The following KIRREL3 variants were observed in gnomAD, a reference collection of about 807,000 sequenced individuals.
The protein encoded by KIRREL3 is kirre like nephrin family adhesion molecule 3.
KIRREL3 carries 36 observed loss-of-function variants against 89.7 expected under a neutral mutation model. The ratio of observed to expected loss-of-function variants is 0.40; its 90% confidence interval spans 0.31 to 0.53. The LOEUF (loss-of-function observed/expected upper bound fraction) is 0.53, where lower values mean the gene tolerates loss of function less well. KIRREL3 is among the 20% of genes least tolerant of loss of function. The probability of loss-of-function intolerance (pLI) is 0.49; values close to 1 mark genes in which losing one functional copy is unlikely to be tolerated. For synonymous variants in KIRREL3, 445 were observed against 441.4 expected (o/e 1.01, Z -0.10); for missense variants, 864 against 1,056.6 (o/e 0.82, Z 2.53).
chr11:126,782,914 CTG>C lies in KIRREL3; in HGVS notation c.55+217539_55+217540del, dbSNP rs1950372897. On this transcript the variant is annotated intron_variant, in intron 1 of 16. Coordinates refer to ENST00000525144, the MANE Select transcript of KIRREL3 (RefSeq NM_032531.4). This position sits in a 1 kb window ranked among gnomAD's most constrained non-coding sequence, Gnocchi z 4.1. ...CCAGAGTTTGGTTTCTGATACCACT[CTG>C]TAATAAAAGGAACCAGGGCTCCTTG... is the stretch of plus-strand genomic sequence containing the variant. Among the ~76,000 whole-genome samples, 1 of 152,130 alleles carries C rather than the reference CTG, an allele frequency of 6.6e-6. No individual in the cohort carries two copies. The highest frequency in any genetic ancestry group is 2.4e-5 in the African/African-American group (1 of 41,428).
chr11:126,620,045 G>T lies in KIRREL3; in HGVS notation c.56-57133C>A, dbSNP rs769547278. ...TAAGGTTTCCTCTCATTTGGCTGCC[G>T]TGTGATTATTAAACTCTCTCTCTGC... On this transcript the variant is annotated intron_variant, in intron 1 of 16. Coordinates refer to ENST00000525144, the MANE Select transcript of KIRREL3 (RefSeq NM_032531.4). This position sits in a 1 kb window ranked among gnomAD's most constrained non-coding sequence, Gnocchi z 4.8. Among the ~76,000 whole-genome samples, 5 of 152,044 alleles carry T rather than the reference G, an allele frequency of 3.3e-5. No individual in the cohort carries two copies. Among genetic ancestry groups the T allele is most frequent in the Non-Finnish European group, 4.4e-5 (3 of 68,024 alleles).
chr11:126,771,089 G>A lies in KIRREL3; in HGVS notation c.56-208177C>T, dbSNP rs2134298364. On this transcript the variant is annotated intron_variant, in intron 1 of 16. Transcript: ENST00000525144. The surrounding 1 kb of genome is among the most constrained non-coding windows in gnomAD (Gnocchi z 4.4). ...GACCTCAGGGTGATCCGCTTGCCTT[G>A]GCATCCCAAAGTCCTGGGATTACAG... 6.6e-6 allele frequency among the ~76,000 whole-genome samples: 1 copy of A among 152,248 alleles called. No homozygotes were observed. The highest frequency in any genetic ancestry group is 2.1e-4 in the South Asian group (1 of 4,818).
At chr11:126,861,876 G>A (rs1056600905) in intron 1 of KIRREL3, among the ~76,000 whole-genome samples, 2 of 152,236 alleles carry the variant, frequency 1.3e-5, no homozygotes, top group African/African-American at 4.8e-5. Context: ...CACATGGACT[G>A]TACCGTGTGA....
intron 7 of KIRREL3, 94 bp downstream of exon 7, chr11:126,456,255 C>T: frequency 2.5e-6 from 2 of 794,050 alleles, no homozygotes; most frequent in Non-Finnish European, 4.3e-6. Context: ...GCACACACTG[C>T]AGCCATGCTG....
At chr11:126,803,919 G>A (rs935923538) in intron 1 of KIRREL3, among the ~76,000 whole-genome samples, 5 of 152,166 alleles carry the variant, frequency 3.3e-5, no homozygotes, top group African/African-American at 9.6e-5. Flanking sequence ...AATTGGAAGC[G>A]GGCCCTTTGT....
intron 2 of KIRREL3, among the ~76,000 whole-genome samples, chr11:126,538,972 G>C (rs1224786921): frequency 1.3e-5 from 2 of 152,216 alleles, no homozygotes; most frequent in African/African-American, 2.4e-5. Flanking sequence ...GACAAGGTGG[G>C]AATGTTCCCT....
Position 126,491,046 on chromosome 11 carries a change from G to A in KIRREL3, c.434-17580C>T, listed in dbSNP as rs1004172942. On this transcript the variant is annotated intron_variant, in intron 4 of 16. Coordinates refer to ENST00000525144, the MANE Select transcript of KIRREL3 (RefSeq NM_032531.4). This position sits in a 1 kb window ranked among gnomAD's most constrained non-coding sequence, Gnocchi z 5.5. ...TCTGTCTGGATTTTGGGTCCATCCC[G>A]TAGTGGAAAGGGGTCCTATGTGAAC... Among the ~76,000 whole-genome samples, 1 of 152,202 alleles carries A rather than the reference G, an allele frequency of 6.6e-6. No homozygotes were observed. The highest frequency in any genetic ancestry group is 2.4e-5 in the African/African-American group (1 of 41,440).
At chr11:126,542,573 T>C (rs1938455587) in intron 2 of KIRREL3, among the ~76,000 whole-genome samples, 1 of 152,212 alleles carries the variant, frequency 6.6e-6, no homozygotes, top group Non-Finnish European at 1.5e-5. Context: ...CCTACTCAGC[T>C]GAGGGGAGAA....
intron 1 of KIRREL3, among the ~76,000 whole-genome samples, chr11:126,951,132 G>T (rs1352033466): frequency 1.3e-5 from 2 of 152,180 alleles, no homozygotes; most frequent in Non-Finnish European, 1.5e-5. Flanking sequence ...ATCTTTTGGG[G>T]GGCCATCATC....
At chr11:126,962,496 T>C (rs1949123370) in intron 1 of KIRREL3, among the ~76,000 whole-genome samples, 1 of 152,192 alleles carries the variant, frequency 6.6e-6, no homozygotes. Flanking sequence ...AAGATTTTAG[T>C]GGATGAGGAG....
rs1365765314 is a variant in KIRREL3 at position 126,677,411 on chromosome 11, G to T, written c.56-114499C>A. Among the ~76,000 whole-genome samples, 5 of 152,208 alleles carry T rather than the reference G, an allele frequency of 3.3e-5. No homozygotes were observed. The highest frequency in any genetic ancestry group is 7.3e-5 in the Non-Finnish European group (5 of 68,032). On this transcript the variant is annotated intron_variant, in intron 1 of 16. Coordinates refer to ENST00000525144, the MANE Select transcript of KIRREL3 (RefSeq NM_032531.4). The surrounding 1 kb of genome is among the most constrained non-coding windows in gnomAD (Gnocchi z 5.1). ...TAACCGAATCTCCATTCTGGAGAAAGGATGTTGGCATAGTCTGGGTGCTTT... is the reference window on the plus strand; with the variant it reads ...TAACCGAATCTCCATTCTGGAGAAATGATGTTGGCATAGTCTGGGTGCTTT...
Position 126,437,026 on chromosome 11 carries a change from A to C in KIRREL3, c.1354-17T>G. Reference sequence around the variant, plus strand: ...GGACCAGGCCTGCCCGGGGGCGCAGAATCAGGAGGAGACCCCACCAGAGGG... The same window carrying C: ...GGACCAGGCCTGCCCGGGGGCGCAGCATCAGGAGGAGACCCCACCAGAGGG... On this transcript the variant is annotated splice_polypyrimidine_tract_variant and intron_variant, in intron 11 of 16. Coordinates refer to ENST00000525144, the MANE Select transcript of KIRREL3 (RefSeq NM_032531.4). The C allele has an allele frequency of 6.6e-7, 1 of 1,504,110 alleles. No individual in the cohort carries two copies. Among genetic ancestry groups the C allele is most frequent in the South Asian group, 1.3e-5 (1 of 76,018 alleles). 93.2% of individuals were successfully genotyped at this position (1,504,110 alleles called of 1,614,324 possible).
In KIRREL3 at chr11:126,561,702, A is replaced by G. The variant is rs1445478060; in HGVS notation, c.133+1133T>C. On this transcript the variant is annotated intron_variant, in intron 2 of 16. Coordinates refer to ENST00000525144, the MANE Select transcript of KIRREL3 (RefSeq NM_032531.4). The surrounding 1 kb of genome is among the most constrained non-coding windows in gnomAD (Gnocchi z 4.5). ...GTAGCTTTTTGATGCTGTTGGCTTC[A>G]GGCAGGCAGCAAATGGGGGAGGTGA... Among the ~76,000 whole-genome samples the G allele has an allele frequency of 1.3e-5, 2 of 152,220 alleles. No individual in the cohort carries two copies. The highest frequency in any genetic ancestry group is 4.8e-5 in the African/African-American group (2 of 41,460).
chr11:126,440,340 A>G, intron 11 of KIRREL3, 109 bp downstream of exon 11: 1 of 948,666 alleles, frequency 1.1e-6, no homozygotes, highest in Non-Finnish European at 1.6e-6. Flanking sequence ...CCTCAGCAAG[A>G]AAGAGGAACC....
intron 1 of KIRREL3, among the ~76,000 whole-genome samples, chr11:126,937,406 T>C (rs1486065100): frequency 6.6e-6 from 1 of 152,228 alleles, no homozygotes; most frequent in African/African-American, 2.4e-5. Flanking sequence ...TCTATTCCCA[T>C]AGCAGCTCTA....
intron 1 of KIRREL3, among the ~76,000 whole-genome samples, chr11:126,886,052 CTT>C (rs1945683210): frequency 6.6e-6 from 1 of 152,182 alleles, no homozygotes. Context: ...TGTCTTGACT[CTT>C]TTCCACTCTT....
chr11:126,488,907 C>T (rs1236048914), intron 4 of KIRREL3, among the ~76,000 whole-genome samples: 1 of 152,260 alleles, frequency 6.6e-6, no homozygotes, highest in African/African-American at 2.4e-5. Context: ...GCCAGGAAGA[C>T]GGGATCCTTG....
rs531322165 is a variant in KIRREL3, at chr11:126,429,225, G to T, written c.1760C>A (p.Ala587Asp). 3 of 1,613,916 alleles carry T rather than the reference G, an allele frequency of 1.9e-6. No homozygotes were observed. Among genetic ancestry groups the T allele is most frequent in the South Asian group, 1.1e-5 (1 of 91,082 alleles). ...GTGCTCCTCACCCTCCCGACCAGAG[G>T]CTGGTTCCTTGTGGACAATTTCCAC... The part of the protein sequence containing the change: ...IRVEIVHKEP[A>D]SGREGEEHST... The change falls in exon 15 of 17, where the codon GCC becomes GAC. Residue 587 changes from alanine to aspartate, a missense_variant. By Grantham distance (126) the Ala-to-Asp change is moderately radical (BLOSUM62 -2). Transcript: ENST00000525144. This position sits in a 1 kb window ranked among gnomAD's most constrained non-coding sequence, Gnocchi z 5.2.
chr11:126,943,495 A>G lies in KIRREL3; in HGVS notation c.55+56960T>C, dbSNP rs1175578537. Among the ~76,000 whole-genome samples, 3 of 152,232 alleles carry G rather than the reference A, an allele frequency of 2.0e-5. No homozygotes were observed. Among genetic ancestry groups the G allele is most frequent in the Non-Finnish European group, 2.9e-5 (2 of 68,044 alleles). ...TGGCTTTGCCCATTAGGAGTGTACA[A>G]GCATATTTACACAACGCCATGGAGC... is the stretch of plus-strand genomic sequence containing the variant. On this transcript the variant is annotated intron_variant, in intron 1 of 16. Coordinates refer to ENST00000525144, the MANE Select transcript of KIRREL3 (RefSeq NM_032531.4). This position sits in a 1 kb window ranked among gnomAD's most constrained non-coding sequence, Gnocchi z 4.2.
Sources: gnomAD v4.1 joint callset for allele counts (sites outside exome capture counted in the v4.1 genomes callset) on GRCh38, gnomAD v4.1.1 for gene constraint, Gnocchi (gnomAD v3.1) non-coding constraint, MANE v1.5 for transcripts, NCBI Gene and HGNC (gene_info 2026-07-23, HGNC 2026-07-21) for gene names.